GLDC: variants seen among roughly 807,000 people sequenced by gnomAD.
GLDC encodes the protein glycine decarboxylase, also known as glycine dehydrogenase (decarboxylating), mitochondrial.
In GLDC, 104 loss-of-function variants were observed where a neutral mutation model predicts 121.3. That is an observed-to-expected ratio of 0.86 (90% CI 0.73 to 1.01). GLDC has a LOEUF of 1.01. GLDC is among the 50% of genes least tolerant of loss of function. The pLI is 0.00. For synonymous variants in GLDC, 546 were observed against 480.6 expected (o/e 1.14, Z -1.78); for missense variants, 1,429 against 1,306.6 (o/e 1.09, Z -1.44).
intron 22 of GLDC, 33 bp downstream of exon 22, chr9:6,540,018 T>C (rs376663224): frequency 3.7e-6 from 5 of 1,339,570 alleles, no homozygotes; most frequent in Admixed American, 1.7e-5. Flanking sequence ...ACAGCCAGCA[T>C]GGGCGGCGGC....
intron 15 of GLDC, chr9:6,584,906 A>G (rs1818238865): frequency 6.6e-6 from 1 of 152,216 alleles, no homozygotes; most frequent in Non-Finnish European, 1.5e-5. Flanking sequence ...TGTCCATCAT[A>G]TGAATGAGAA....
Position 6,639,668 on chromosome 9 carries a change from A to AAATATATATATATATATAT in GLDC, c.334+4945_334+4946insATATATATATATATATATT. On this transcript the variant is annotated intron_variant, in intron 2 of 24. Coordinates refer to ENST00000321612, the MANE Select transcript of GLDC (RefSeq NM_000170.3). ...ATATATCTTTTCACCATAAAAAAAA[A>AAATATATATATATATATAT]GTATATATATATATATATATGGACA... is the stretch of plus-strand genomic sequence containing the variant. 4.3e-4 allele frequency: 107 copies of AAATATATATATATATATAT among 250,526 alleles called. No individual in the cohort carries two copies. The East Asian group carries it at 5.3e-3, about 12-fold the overall frequency. 15.5% of individuals were successfully genotyped at this position (250,526 alleles called of 1,614,324 possible). A position where few individuals can be genotyped will look rare whatever the true frequency, so the allele number is the denominator to read the frequency against.
intron 21 of GLDC, among the ~76,000 whole-genome samples, chr9:6,544,864 C>A (rs1817353854): frequency 6.6e-6 from 1 of 152,036 alleles, no homozygotes; most frequent in Non-Finnish European, 1.5e-5. Flanking sequence ...CTTTGGGAGG[C>A]CAAGGTGGGT....
intron 19 of GLDC, among the ~76,000 whole-genome samples, chr9:6,554,005 A>G (rs1817567139): frequency 6.6e-6 from 1 of 152,156 alleles, no homozygotes; most frequent in Admixed American, 6.5e-5. Context: ...AAAAAACAAG[A>G]AAGAAGAAAA....
chr9:6,553,276 G>A (rs1463983343), intron 20 of GLDC, 92 bp downstream of exon 20: 3 of 1,146,814 alleles, frequency 2.6e-6, no homozygotes, highest in Non-Finnish European at 2.6e-6. Flanking sequence ...GAATTTATTT[G>A]TTTTTAAGCC....
intron 15 of GLDC, chr9:6,566,316 T>TC (rs1326298871): frequency 6.6e-6 from 1 of 152,128 alleles, no homozygotes; most frequent in Non-Finnish European, 1.5e-5. Flanking sequence ...CCTTTTTTTT[T>TC]CCCTTTTCTT....
intron 16 of GLDC, among the ~76,000 whole-genome samples, chr9:6,559,285 C>T (rs186079896): frequency 8.6e-4 from 130 of 151,636 alleles, no homozygotes; most frequent in Middle Eastern, 3.4e-3. Context: ...GAGGCCGAGG[C>T]GGGTGGATCA....
chr9:6,598,910 A>G (rs1256454504), intron 8 of GLDC, among the ~76,000 whole-genome samples: 2 of 152,188 alleles, frequency 1.3e-5, no homozygotes, highest in African/African-American at 4.8e-5. Flanking sequence ...GCCGGGCACA[A>G]TGGCTCATGC....
chr9:6,605,889 CTG>C (rs1299161151), intron 5 of GLDC: 1 of 163,942 alleles, frequency 6.1e-6, no homozygotes, highest in African/African-American at 2.4e-5. Flanking sequence ...TGCACACCCT[CTG>C]TAAACTACGT....
At chr9:6,629,949 A>ATTT (rs1218134017) in intron 2 of GLDC, among the ~76,000 whole-genome samples, 2 of 81,074 alleles carry the variant, frequency 2.5e-5, no homozygotes, top group African/African-American at 1.6e-4. Flanking sequence ...ATATATGTAT[A>ATTT]TATATATATT....
intron 15 of GLDC, among the ~76,000 whole-genome samples, chr9:6,566,835 C>G (rs1226249198): frequency 2.0e-5 from 3 of 152,162 alleles, no homozygotes; most frequent in Non-Finnish European, 4.4e-5. Flanking sequence ...ATGTTACCCA[C>G]AGAAAATCGG....
chr9:6,554,210 T>C (rs1386787088), intron 19 of GLDC, among the ~76,000 whole-genome samples: 2 of 152,214 alleles, frequency 1.3e-5, no homozygotes, highest in African/African-American at 2.4e-5. Flanking sequence ...TTATTTCTAG[T>C]AACCAGGTTT....
intron 15 of GLDC, among the ~76,000 whole-genome samples, chr9:6,583,729 T>C (rs1050765342): frequency 6.6e-6 from 1 of 152,158 alleles, no homozygotes; most frequent in Non-Finnish European, 1.5e-5. Flanking sequence ...TTGATGAACC[T>C]TGAAGACATT....
At chr9:6,534,384 A>G (rs539156915) in intron 24 of GLDC, among the ~76,000 whole-genome samples, 287 of 152,132 alleles carry the variant, frequency 1.9e-3, no homozygotes, top group Middle Eastern at 3.4e-3. Context: ...TCTCCTCCAT[A>G]TAAGAATCAG....
chr9:6,569,802 C>A (rs777015771), intron 15 of GLDC, among the ~76,000 whole-genome samples: 1 of 152,010 alleles, frequency 6.6e-6, no homozygotes, highest in Non-Finnish European at 1.5e-5. Flanking sequence ...ATGGCAAAAC[C>A]CTGTCTCTAC....
intron 2 of GLDC, among the ~76,000 whole-genome samples, chr9:6,636,511 A>T (rs557820556): frequency 6.6e-6 from 1 of 152,306 alleles, no homozygotes; most frequent in South Asian, 2.1e-4. Flanking sequence ...AAGGTGGCTC[A>T]CGCCTATGAT....
chr9:6,553,289 G>C, intron 20 of GLDC, 79 bp downstream of exon 20: 1 of 1,254,536 alleles, frequency 8.0e-7, no homozygotes, highest in Non-Finnish European at 1.2e-6. Context: ...TTTAAGCCAA[G>C]AAGTCTGCAG....
intron 14 of GLDC, among the ~76,000 whole-genome samples, chr9:6,587,492 A>G (rs1818294392): frequency 6.6e-6 from 1 of 152,232 alleles, no homozygotes; most frequent in Non-Finnish European, 1.5e-5. Flanking sequence ...TAGTTGTCCA[A>G]AAAGGGAACT....
intron 2 of GLDC, among the ~76,000 whole-genome samples, chr9:6,624,277 A>C (rs971706852): frequency 1.3e-5 from 2 of 152,206 alleles, no homozygotes; most frequent in Non-Finnish European, 2.9e-5. Flanking sequence ...TTACTTGAAA[A>C]TAGGGTCTCC....
Sources: allele counts gnomAD v4.1 joint callset (sites outside exome capture counted in the v4.1 genomes callset), GRCh38; gene constraint gnomAD v4.1.1; transcripts MANE v1.5; gene names NCBI Gene and HGNC (gene_info 2026-07-23, HGNC 2026-07-21).